Variants in UGT1A7 observed in about 807,000 individuals in gnomAD.
UGT1A7 encodes UDP-glucuronosyltransferase 1A7.
A neutral mutation model predicts 45.6 loss-of-function variants in UGT1A7; 33 were observed. That is an observed-to-expected ratio of 0.72 (90% CI 0.55 to 0.97). UGT1A7 has a LOEUF of 0.97. Among genes scored for constraint, UGT1A7 ranks in the 50% least tolerant of loss-of-function variants. The pLI is 0.00. For missense variants in UGT1A7, 684 were observed against 666.2 expected, an observed-to-expected ratio of 1.03 and a Z score of -0.29; for synonymous variants, 274 against 250.6, an observed-to-expected ratio of 1.09 and a Z score of -0.88.
intron 1 of UGT1A7, among the ~76,000 whole-genome samples, chr2:233,759,591 C>G (rs984696431): frequency 2.0e-5 from 3 of 147,100 alleles, no homozygotes; most frequent in East Asian, 2.0e-4. Flanking sequence ...GCACGCCCCC[C>G]ACCCCCGACC....
intron 1 of UGT1A7, among the ~76,000 whole-genome samples, chr2:233,744,623 G>T (rs1465647088): frequency 6.6e-6 from 1 of 151,866 alleles, no homozygotes; most frequent in Admixed American, 6.5e-5. Flanking sequence ...CTATAGAGAG[G>T]TGGATTCTCA....
At position 233,747,700 on chromosome 2, in the gene UGT1A7, A is replaced by G. The variant is rs538337941; in HGVS notation, c.856-19334A>G. On this transcript the variant is annotated intron_variant, in intron 1 of 4. Transcript: ENST00000373426. ...TACCTCTGTGGGGCAGTGCTGGCTA[A>G]GTACCTATCAATTCCTGCTGTGTTT... 8 of 1,612,196 alleles carry G rather than the reference A, an allele frequency of 5.0e-6. No individual in the cohort carries two copies. In the East Asian group the frequency reaches 8.9e-5, roughly 18 times the overall value.
intron 1 of UGT1A7, among the ~76,000 whole-genome samples, chr2:233,699,729 G>A (rs1012427185): frequency 1.3e-5 from 2 of 152,116 alleles, no homozygotes; most frequent in African/African-American, 4.8e-5. Context: ...TTTACGGAGC[G>A]TTTTCCCAGA....
At chr2:233,727,488 T>C (rs2077620726) in intron 1 of UGT1A7, among the ~76,000 whole-genome samples, 1 of 151,840 alleles carries the variant, frequency 6.6e-6, no homozygotes, top group Non-Finnish European at 1.5e-5. Context: ...TACTTGGAGG[T>C]AGAACATGGG....
At chr2:233,756,690 C>G (rs1266086020) in intron 1 of UGT1A7, among the ~76,000 whole-genome samples, 2 of 152,102 alleles carry the variant, frequency 1.3e-5, no homozygotes, top group Non-Finnish European at 2.9e-5. Flanking sequence ...TATATAATGA[C>G]GATGAATTTT....
chr2:233,687,814 G>A (rs1432190294), intron 1 of UGT1A7, among the ~76,000 whole-genome samples: 3 of 152,106 alleles, frequency 2.0e-5, no homozygotes, highest in African/African-American at 4.8e-5. Context: ...GCTGAGGTGG[G>A]AGGATCTCCT....
Position 233,769,834 on chromosome 2 carries a change from G to T in UGT1A7, c.1295+1395G>T. ...CATGCCACTGCACTCCAGCAACCTG[G>T]GCAACAGAGTGAGACCCTGTCTCAA... On this transcript the variant is annotated intron_variant, in intron 4 of 4. Coordinates refer to ENST00000373426, the MANE Select transcript of UGT1A7 (RefSeq NM_019077.3). The surrounding 1 kb of genome is among the most constrained non-coding windows in gnomAD (Gnocchi z 4.4). 1.5e-6 allele frequency: 1 copy of T among 687,902 alleles called. No individual in the cohort carries two copies. The highest frequency in any genetic ancestry group is 2.2e-6 in the Non-Finnish European group (1 of 463,396). The allele number at this position is 687,902 out of a possible 1,614,324, so 42.6% of individuals were successfully genotyped here.
At chr2:233,739,740 T>C (rs541880710) in intron 1 of UGT1A7, among the ~76,000 whole-genome samples, 25 of 152,316 alleles carry the variant, frequency 1.6e-4, no homozygotes, top group Non-Finnish European at 3.2e-4. Context: ...AGATGAGACC[T>C]TGGACTATGG....
intron 1 of UGT1A7, among the ~76,000 whole-genome samples, chr2:233,706,423 C>T (rs571614234): frequency 6.6e-6 from 1 of 152,376 alleles, no homozygotes; most frequent in African/African-American, 2.4e-5. Flanking sequence ...CGTGGTCTTT[C>T]AGCCACAGAC....
chr2:233,728,992 A>G (rs990793859), intron 1 of UGT1A7: 2 of 1,544,002 alleles, frequency 1.3e-6, no homozygotes, highest in Admixed American at 1.9e-5. Flanking sequence ...ATAATTAACT[A>G]GAGGAGGGCA....
intron 1 of UGT1A7, among the ~76,000 whole-genome samples, chr2:233,745,269 G>A (rs528500230): frequency 2.6e-5 from 4 of 151,940 alleles, no homozygotes; most frequent in Admixed American, 2.6e-4. Context: ...CTTGCAGGCC[G>A]TGTGTATAGC....
Position 233,772,725 on chromosome 2 carries a change from A to G in UGT1A7, c.*166A>G. ...AAATTCTCTTAAATAAAAATAATAG[A>G]CTCGCTAGTCAGTAAAGATATTTGA... On this transcript the variant is annotated 3_prime_UTR_variant, in exon 5 of 5. Coordinates refer to ENST00000373426, the MANE Select transcript of UGT1A7 (RefSeq NM_019077.3). The G allele has an allele frequency of 6.9e-7, 1 of 1,452,344 alleles. No homozygotes were observed. Among genetic ancestry groups the G allele is most frequent in the Non-Finnish European group, 9.0e-7 (1 of 1,105,170 alleles). The allele number at this position is 1,452,344 out of a possible 1,614,324, so 90.0% of individuals were successfully genotyped here.
At chr2:233,745,085 C>G (rs1165304502) in intron 1 of UGT1A7, among the ~76,000 whole-genome samples, 3 of 151,730 alleles carry the variant, frequency 2.0e-5, no homozygotes, top group East Asian at 3.8e-4. Flanking sequence ...TTTCATTGCT[C>G]TTCCCCCCAA....
At chr2:233,728,836 G>C (rs2077754966) in intron 1 of UGT1A7, among the ~76,000 whole-genome samples, 1 of 152,210 alleles carries the variant, frequency 6.6e-6, no homozygotes, top group Non-Finnish European at 1.5e-5. Flanking sequence ...TCACAGCCTT[G>C]TGTTGGGAAT....
At chr2:233,755,154 C>CT in intron 1 of UGT1A7, 2 of 1,296,006 alleles carry the variant, frequency 1.5e-6, no homozygotes, top group Non-Finnish European at 2.1e-6. Flanking sequence ...CGCTTCCTCC[C>CT]TGTCCTCGGG....
At chr2:233,693,874 G>A in intron 1 of UGT1A7, 1 of 1,614,164 alleles carries the variant, frequency 6.2e-7, no homozygotes, top group Non-Finnish European at 8.5e-7. Flanking sequence ...AGGTTGGTGG[G>A]TTTATTTCTT....
intron 1 of UGT1A7, chr2:233,754,922 T>C: frequency 7.4e-7 from 1 of 1,349,928 alleles, no homozygotes; most frequent in South Asian, 1.1e-5. Flanking sequence ...CCAGCGGGTT[T>C]CCCAAGAGGT....
rs1440398648 is a variant in UGT1A7, at chr2:233,690,488, G to A, written c.855+7696G>A. 5.4e-6 allele frequency: 7 copies of A among 1,289,470 alleles called. No homozygotes were observed. In the East Asian group the frequency reaches 1.7e-4, roughly 31 times the overall value. 79.9% of individuals were successfully genotyped at this position (1,289,470 alleles called of 1,614,324 possible). A position where few individuals can be genotyped will look rare whatever the true frequency, so the allele number is the denominator to read the frequency against. ...CCTCCATTTACTTTTTGGGAAATCT[G>A]CTCTTGCCAACAGAGATTTGTTTTA... On this transcript the variant is annotated intron_variant, in intron 1 of 4. Coordinates refer to ENST00000373426, the MANE Select transcript of UGT1A7 (RefSeq NM_019077.3).
chr2:233,737,327 G>A (rs1317799063), intron 1 of UGT1A7, among the ~76,000 whole-genome samples: 4 of 152,258 alleles, frequency 2.6e-5, no homozygotes, highest in African/African-American at 4.8e-5. Flanking sequence ...TGCACTAGCA[G>A]TGAGCAAGGC....
Sources: gnomAD v4.1 joint callset for allele counts (sites outside exome capture counted in the v4.1 genomes callset) on GRCh38, gnomAD v4.1.1 for gene constraint, Gnocchi (gnomAD v3.1) non-coding constraint, MANE v1.5 for transcripts, NCBI Gene and HGNC (gene_info 2026-07-23, HGNC 2026-07-21) for gene names.